C5: variants seen among roughly 807,000 people sequenced by gnomAD.
C5 encodes the protein C3 and PZP-like alpha-2-macroglobulin domain-containing protein 4.
C5 carries 140 observed loss-of-function variants against 218.8 expected under a neutral mutation model. That is an observed-to-expected ratio of 0.64 (90% CI 0.56 to 0.74). The LOEUF (loss-of-function observed/expected upper bound fraction) is 0.74, where lower values mean the gene tolerates loss of function less well. Ranked by LOEUF, C5 falls within the 30% of genes least tolerant of loss-of-function variation. The pLI, the probability that C5 is intolerant of heterozygous loss-of-function variation, is 0.00. For synonymous variants in C5, 614 were observed against 682.3 expected, an observed-to-expected ratio of 0.90 and a Z score of 1.56; for missense variants, 1,700 against 1,969.6, an observed-to-expected ratio of 0.86 and a Z score of 2.59.
intron 19 of C5, among the ~76,000 whole-genome samples, chr9:121,006,652 G>A (rs868692385): frequency 6.6e-6 from 1 of 151,742 alleles, no homozygotes; most frequent in Middle Eastern, 3.4e-3. Context: ...AGACCAGCTT[G>A]GACAACATAG....
Position 120,980,128 on chromosome 9 carries a change from A to T in C5, c.3613T>A (p.Phe1205Ile). The stretch of plus-strand genomic sequence containing the variant: ...TTCAAAGCTGAAACAATTGAACGAA[A>T]CTGTGGGTGAGTTTTATCTCCCAGG... ...LSLGDKTHPQ[F>I]RSIVSALKRE... is the part of the protein sequence containing the mutation. Residue 1205 changes from phenylalanine (F) to isoleucine (I), a missense_variant, in exon 28 of 41, where the codon TTT becomes ATT. Phe to Ile is a conservative substitution (Grantham distance 21). Transcript: ENST00000223642. The T allele has an allele frequency of 1.9e-6, 3 of 1,614,158 alleles. No individual in the cohort carries two copies. Among genetic ancestry groups the T allele is most frequent in the Non-Finnish European group, 2.5e-6 (3 of 1,180,022 alleles).
intron 28 of C5, 112 bp from the exon 29 acceptor site, chr9:120,977,017 T>G: frequency 1.1e-6 from 1 of 903,198 alleles, no homozygotes; most frequent in African/African-American, 1.7e-5. Flanking sequence ...TTACTTTTTC[T>G]TGTTAGAGGA....
At position 121,020,175 on chromosome 9, in the gene C5, T is replaced by C. The variant is rs780701410; in HGVS notation, c.1307A>G (p.Lys436Arg). The change falls in exon 12 of 41, where the codon AAA becomes AGA. Residue 436 changes from lysine (K) to arginine (R), a missense_variant. Transcript: ENST00000223642. ...SGVTVLEFNV[K>R]TDAPDLPEEN... ...TTCTGGAAGATCTGGAGCATCAGTT[T>C]TGACCTGAAAAGAGAAATTTCAAAA... is the stretch of plus-strand genomic sequence containing the variant. 2 of 1,613,488 alleles carry C rather than the reference T, an allele frequency of 1.2e-6. No individual in the cohort carries two copies. The highest frequency in any genetic ancestry group is 2.2e-5 in the South Asian group (2 of 91,076).
At chr9:121,067,337 C>T in the C5 span, among the ~76,000 whole-genome samples, 1 of 151,320 alleles carries the variant, frequency 6.6e-6, no homozygotes, top group Non-Finnish European at 1.5e-5. Context: ...CCAAGGTGGG[C>T]GGATCATGAG....
chr9:120,965,162 A>T (rs62578417), intron 33 of C5, among the ~76,000 whole-genome samples: 6,901 of 152,284 alleles, frequency 0.045, 230 homozygotes, highest in Middle Eastern at 0.092. Context: ...GTGGAAGAGG[A>T]GATACTAAGC....
intron 8 of C5, 73 bp downstream of exon 8, chr9:121,027,087 T>G: frequency 1.2e-6 from 1 of 835,312 alleles, no homozygotes; most frequent in South Asian, 1.4e-5. Flanking sequence ...GACTAGATGG[T>G]TTTTAAGTAA....
chr9:120,982,987 T>C (rs148236760), intron 25 of C5, among the ~76,000 whole-genome samples, 173 bp from the exon 26 acceptor site: 213 of 152,330 alleles, frequency 1.4e-3, no homozygotes, highest in African/African-American at 4.9e-3. Flanking sequence ...CTCCAAAACA[T>C]TCGGTAAACA....
intron 2 of C5, 38 bp downstream of exon 2, chr9:121,046,153 G>GTA (rs538476470): frequency 3.3e-4 from 343 of 1,028,428 alleles, no homozygotes; most frequent in African/African-American, 3.1e-3. Context: ...AGAATATTCT[G>GTA]TATATATATA....
Position 120,970,252 on chromosome 9 carries a change from C to T in C5, c.4081-1G>A, listed in dbSNP as rs1395707986. ...TGGTTTTGTGAACTACAGTTGTTAC[C>T]TACATTGGGGACAAGTAAGCAAGAA... On this transcript the variant is annotated splice_acceptor_variant, in intron 31 of 40. Coordinates refer to ENST00000223642, the MANE Select transcript of C5 (RefSeq NM_001735.3). LOFTEE classifies it high-confidence loss of function. The T allele has an allele frequency of 6.2e-7, 1 of 1,605,704 alleles. No individual in the cohort carries two copies. The highest frequency in any genetic ancestry group is 1.1e-5 in the South Asian group (1 of 90,886).
intron 31 of C5, among the ~76,000 whole-genome samples, 200 bp downstream of exon 31, chr9:120,971,729 GC>G: frequency 6.6e-6 from 1 of 152,328 alleles, no homozygotes; most frequent in African/African-American, 2.4e-5. Flanking sequence ...GAGCCACCAT[GC>G]CTGACCAACA....
intron 28 of C5, among the ~76,000 whole-genome samples, chr9:120,978,886 T>C (rs2046971447): frequency 6.6e-6 from 1 of 151,846 alleles, no homozygotes; most frequent in African/African-American, 2.4e-5. Context: ...CTCCTTCTGG[T>C]CCCCACAGCA....
chr9:121,038,022 T>C (rs1476090045), intron 3 of C5, 71 bp from the exon 4 acceptor site: 9 of 713,430 alleles, frequency 1.3e-5, no homozygotes, highest in Non-Finnish European at 1.9e-5. Context: ...AAAACAACCA[T>C]CCTTAAAAGA....
Position 121,021,528 on chromosome 9 carries a change from A to G in C5, c.1283T>C (p.Val428Ala), listed in dbSNP as rs748464379. 6.2e-7 allele frequency: 1 copy of G among 1,613,472 alleles called. No individual in the cohort carries two copies. The highest frequency in any genetic ancestry group is 8.5e-7 in the Non-Finnish European group (1 of 1,179,540). ...GCTCACATTAAACTCCAGCACCGTC[A>G]CTCCAGATGGGAGATTAAGCACAAA... is the stretch of plus-strand genomic sequence containing the variant. ...ASFVLNLPSG[V>A]TVLEFNVKTD... Residue 428 changes from valine to alanine, a missense_variant, in exon 11 of 41, where the codon GTG becomes GCG. Coordinates refer to ENST00000223642, the MANE Select transcript of C5 (RefSeq NM_001735.3).
chr9:120,983,977 G>A (rs4837805), intron 25 of C5, among the ~76,000 whole-genome samples: 97,604 of 152,012 alleles, frequency 0.64, 31,470 homozygotes, highest in East Asian at 0.77. Context: ...ACACCAAAAT[G>A]GTGGGAGAAT....
rs41308010 is a variant in C5 at position 121,034,108 on chromosome 9, C to T, written c.584+695G>A. Among the ~76,000 whole-genome samples the T allele has an allele frequency of 8.6e-3, 1,315 of 152,094 alleles. 14 individuals carry two copies. The highest frequency in any genetic ancestry group is 0.03 in the African/African-American group (1,240 of 41,484). ...GCTTTTTTTGTATTTTTGATAGAGA[C>T]GGGGTTTCACCATGTTGGCCAGGCT... is the stretch of plus-strand genomic sequence containing the variant. On this transcript the variant is annotated intron_variant, in intron 5 of 40. Coordinates refer to ENST00000223642, the MANE Select transcript of C5 (RefSeq NM_001735.3).
chr9:121,061,688 A>G, the C5 span, among the ~76,000 whole-genome samples: 1 of 152,236 alleles, frequency 6.6e-6, no homozygotes, highest in Non-Finnish European at 1.5e-5. Flanking sequence ...TCATCTTCAT[A>G]TTGTGTACCA....
At position 120,971,971 on chromosome 9, in the gene C5, T is replaced by C. The variant is rs756138550; in HGVS notation, c.4039A>G (p.Ile1347Val). The change falls in exon 31 of 41, where the codon ATT (isoleucine) becomes GTT (valine). Residue 1347 changes from isoleucine to valine, a missense_variant. Coordinates refer to ENST00000223642, the MANE Select transcript of C5 (RefSeq NM_001735.3). Reference sequence around the variant, plus strand: ...CCACTGCCAAATCCTGTACTGACAATGAGGTCATCATTGAGAAGCACCTGG... The same window carrying C: ...CCACTGCCAAATCCTGTACTGACAACGAGGTCATCATTGAGAAGCACCTGG... ...PVEVLLNDDL[I>V]VSTGFGSGLA... The C allele has an allele frequency of 2.5e-6, 4 of 1,613,246 alleles. No individual in the cohort carries two copies. The highest frequency in any genetic ancestry group is 4.5e-5 in the East Asian group (2 of 44,862).
chr9:120,953,935 A>G, intron 39 of C5, 67 bp from the exon 40 acceptor site: 1 of 1,557,560 alleles, frequency 6.4e-7, no homozygotes. Context: ...ATAAACTCTC[A>G]AGTTTTCTGG....
chr9:121,058,754 T>C, the C5 span, among the ~76,000 whole-genome samples: 5 of 152,370 alleles, frequency 3.3e-5, no homozygotes, highest in African/African-American at 1.2e-4. Context: ...TGTCTGTAAC[T>C]AATTCTGTAT....
Sources: gnomAD v4.1 joint callset for allele counts (sites outside exome capture counted in the v4.1 genomes callset) on GRCh38, gnomAD v4.1.1 for gene constraint, MANE v1.5 for transcripts, NCBI Gene and HGNC (gene_info 2026-07-23, HGNC 2026-07-21) for gene names.